GBX1: variants seen among roughly 807,000 people sequenced by gnomAD.
The protein encoded by GBX1 is homeobox protein GBX-1.
A neutral mutation model predicts 22.9 loss-of-function variants in GBX1; 9 were observed. The ratio of observed to expected loss-of-function variants is 0.39; its 90% CI spans 0.24 to 0.69. The LOEUF is 0.69. Among genes scored for constraint, GBX1 ranks in the 30% least tolerant of loss-of-function variants. The probability of loss-of-function intolerance (pLI) is 0.43; values close to 1 mark genes in which losing one functional copy is unlikely to be tolerated. For synonymous variants in GBX1, 203 were observed against 227.3 expected, an observed-to-expected ratio of 0.89 and a Z score of 0.96; for missense variants, 494 against 509.2, an observed-to-expected ratio of 0.97 and a Z score of 0.29.
rs1164410331 is a variant in GBX1 at position 151,148,525 on chromosome 7, C to G, written c.*64G>C. 4 of 1,478,992 alleles carry G rather than the reference C, an allele frequency of 2.7e-6. No homozygotes were observed. In the African/African-American group the frequency reaches 5.6e-5, roughly 21 times the overall value. 91.6% of individuals were successfully genotyped at this position (1,478,992 alleles called of 1,614,324 possible). ...TTGCAGCCCCTCTGGTCCACAGAAC[C>G]CTGACAGTCTCAGAGCAGGCTCAGG... is the stretch of plus-strand genomic sequence containing the variant. On this transcript the variant is annotated 3_prime_UTR_variant, in exon 2 of 2. Transcript: ENST00000297537. The surrounding 1 kb of genome is among the most constrained non-coding windows in gnomAD (Gnocchi z 5.1).
At chr7:151,163,721 T>C (rs1431579405) in intron 1 of GBX1, among the ~76,000 whole-genome samples, 1 of 152,206 alleles carries the variant, frequency 6.6e-6, no homozygotes, top group Non-Finnish European at 1.5e-5. Context: ...ATGGCTTGCA[T>C]ATATCTCTAC....
intron 1 of GBX1, among the ~76,000 whole-genome samples, chr7:151,156,290 G>C (rs1337751321): frequency 1.3e-5 from 2 of 150,264 alleles, no homozygotes; most frequent in Non-Finnish European, 3.0e-5. Flanking sequence ...GGGAGGCTGA[G>C]GTGGGAGAGT....
intron 1 of GBX1, among the ~76,000 whole-genome samples, chr7:151,157,301 C>T (rs1801146669): frequency 6.6e-6 from 1 of 151,980 alleles, no homozygotes; most frequent in African/African-American, 2.4e-5. Context: ...GTCTCAAAAA[C>T]AAACAAACAA....
chr7:151,166,979 T>C (rs532100212), intron 1 of GBX1, 32 bp downstream of exon 1: 60 of 1,596,030 alleles, frequency 3.8e-5, no homozygotes, highest in African/African-American at 5.5e-5. Context: ...TGAACCGGCC[T>C]CCCGCCAGCC....
intron 1 of GBX1, among the ~76,000 whole-genome samples, chr7:151,157,753 C>T (rs1801152041): frequency 6.6e-6 from 1 of 152,192 alleles, no homozygotes; most frequent in South Asian, 2.1e-4. Flanking sequence ...CAGCATTTCT[C>T]TACCTTCCTG....
At chr7:151,164,597 C>T (rs1271072234) in intron 1 of GBX1, among the ~76,000 whole-genome samples, 1 of 152,142 alleles carries the variant, frequency 6.6e-6, no homozygotes, top group Non-Finnish European at 1.5e-5. Context: ...AGTCTCTCCT[C>T]CTTACTACTG....
In GBX1 at chr7:151,148,174, C is replaced by T. The variant is rs1016694902; in HGVS notation, c.*415G>A. Among the ~76,000 whole-genome samples, 2 of 152,154 alleles carry T rather than the reference C, an allele frequency of 1.3e-5. No homozygotes were observed. Among genetic ancestry groups the T allele is most frequent in the Non-Finnish European group, 2.9e-5 (2 of 68,024 alleles). ...AGATAGCTCCATATATACACATTTA[C>T]ACAAATAAATAAGGAGCTGCGATCT... is the stretch of plus-strand genomic sequence containing the variant. On this transcript the variant is annotated 3_prime_UTR_variant, in exon 2 of 2. Coordinates refer to ENST00000297537, the MANE Select transcript of GBX1 (RefSeq NM_001098834.3). This position sits in a 1 kb window ranked among gnomAD's most constrained non-coding sequence, Gnocchi z 5.1.
chr7:151,167,177 G>T lies in GBX1; in HGVS notation c.372C>A (p.Ala124=), dbSNP rs1259083769. 2 of 1,576,162 alleles carry T rather than the reference G, an allele frequency of 1.3e-6. No individual in the cohort carries two copies. Among genetic ancestry groups the T allele is most frequent in the East Asian group, 4.7e-5 (2 of 42,944 alleles). ...AFYGPQELAA[A]AAAAAATAAR... ...CGGCAGTGGCGGCGGCGGCGGCAGCGGCGGCGGCGAGCTCCTGGGGCCCGT... is the reference window on the plus strand; with the variant it reads ...CGGCAGTGGCGGCGGCGGCGGCAGCTGCGGCGGCGAGCTCCTGGGGCCCGT... The change falls in exon 1 of 2, where the codon GCC becomes GCA. Residue 124 remains alanine, a synonymous_variant. Transcript: ENST00000297537. The surrounding 1 kb of genome is among the most constrained non-coding windows in gnomAD (Gnocchi z 5.9).
At chr7:151,158,203 A>G (rs1801156298) in intron 1 of GBX1, among the ~76,000 whole-genome samples, 1 of 152,216 alleles carries the variant, frequency 6.6e-6, no homozygotes, top group South Asian at 2.1e-4. Context: ...GACTCCAGGG[A>G]AAGTAAACCT....
chr7:151,161,836 A>G (rs926112273), intron 1 of GBX1, among the ~76,000 whole-genome samples: 1 of 152,232 alleles, frequency 6.6e-6, no homozygotes, highest in African/African-American at 2.4e-5. Flanking sequence ...GTCCAGGTTG[A>G]GAGCTCTACT....
intron 1 of GBX1, among the ~76,000 whole-genome samples, chr7:151,163,939 CCTG>C (rs1179773135): frequency 6.6e-6 from 1 of 152,164 alleles, no homozygotes; most frequent in African/African-American, 2.4e-5. Flanking sequence ...TTTCTTTTCA[CCTG>C]CTAATATAGC....
chr7:151,159,239 C>A (rs1174747048), intron 1 of GBX1, among the ~76,000 whole-genome samples: 4 of 151,968 alleles, frequency 2.6e-5, no homozygotes, highest in Non-Finnish European at 5.9e-5. Flanking sequence ...TGTGCGCCAC[C>A]ACTGCTAGCT....
chr7:151,150,692 TCAA>T (rs746812739), intron 1 of GBX1, among the ~76,000 whole-genome samples: 1 of 151,338 alleles, frequency 6.6e-6, no homozygotes, highest in Non-Finnish European at 1.5e-5. Flanking sequence ...GTCTTTTTCC[TCAA>T]CAGCCACATT....
In GBX1 at chr7:151,167,116, C is replaced by G. The variant is rs1801263078; in HGVS notation, c.433G>C (p.Glu145Gln). The change falls in exon 1 of 2, where the codon GAG (glutamate) becomes CAG (glutamine). Residue 145 changes from glutamate (E) to glutamine (Q), a missense_variant. Physicochemically the swap from Glu to Gln is conservative, Grantham distance 29. This residue lies in a region of GBX1 where 365 missense variants were observed against 340.4 expected (regional missense o/e 1.07). Coordinates refer to ENST00000297537, the MANE Select transcript of GBX1 (RefSeq NM_001098834.3). This position sits in a 1 kb window ranked among gnomAD's most constrained non-coding sequence, Gnocchi z 5.9. Reference sequence around the variant, plus strand: ...AGCTCATCAGCTTCCAGCCCACCCTCTGGGCGTCGGCCGCCTGGCTCGGGG... The same window carrying G: ...AGCTCATCAGCTTCCAGCCCACCCTGTGGGCGTCGGCCGCCTGGCTCGGGG... ...NNPEPGGRRP[E>Q]GGLEADELLP... 6.2e-7 allele frequency: 1 copy of G among 1,602,270 alleles called. No homozygotes were observed.
chr7:151,167,650 G>A lies in GBX1; in HGVS notation c.-102C>T. The A allele has an allele frequency of 1.8e-6, 2 of 1,125,908 alleles. No individual in the cohort carries two copies. The highest frequency in any genetic ancestry group is 2.2e-6 in the Non-Finnish European group (2 of 918,010). 69.7% of individuals were successfully genotyped at this position (1,125,908 alleles called of 1,614,324 possible). On this transcript the variant is annotated 5_prime_UTR_variant, in exon 1 of 2. Transcript: ENST00000297537. The surrounding 1 kb of genome is among the most constrained non-coding windows in gnomAD (Gnocchi z 5.9). ...GCGGACACGCAGGGCTCGCTCCCTG[G>A]CTCCCGGGCCGAGGTGGCGGCGGGG...
chr7:151,165,109 T>C (rs1352744130), intron 1 of GBX1, among the ~76,000 whole-genome samples: 1 of 152,188 alleles, frequency 6.6e-6, no homozygotes, highest in Non-Finnish European at 1.5e-5. Context: ...TTCTTCATGT[T>C]CTCTTTGTAT....
At chr7:151,153,851 C>T (rs562803839) in intron 1 of GBX1, among the ~76,000 whole-genome samples, 7 of 152,342 alleles carry the variant, frequency 4.6e-5, no homozygotes, top group African/African-American at 1.7e-4. Context: ...GTGTGAGCCA[C>T]CATGGCTGGC....
At chr7:151,158,813 A>G (rs1309198301) in intron 1 of GBX1, among the ~76,000 whole-genome samples, 1 of 152,208 alleles carries the variant, frequency 6.6e-6, no homozygotes, top group African/African-American at 2.4e-5. Flanking sequence ...TATTTCCAAG[A>G]AAAGGACAAT....
intron 1 of GBX1, among the ~76,000 whole-genome samples, chr7:151,149,551 C>T (rs1182187696): frequency 6.6e-6 from 1 of 152,102 alleles, no homozygotes; most frequent in Non-Finnish European, 1.5e-5. Context: ...AGCCAGGCCT[C>T]GCAGCCTCAG....
Sources: allele counts gnomAD v4.1 joint callset (sites outside exome capture counted in the v4.1 genomes callset), GRCh38; gene constraint gnomAD v4.1.1; regional missense constraint gnomAD v4.1.1; non-coding constraint Gnocchi (gnomAD v3.1); transcripts MANE v1.5; gene names NCBI Gene and HGNC (gene_info 2026-07-23, HGNC 2026-07-21).